The following AUTS2 variants were observed in gnomAD, a reference collection of about 807,000 sequenced individuals.
AUTS2 encodes activator of transcription and developmental regulator AUTS2.
In AUTS2, 17 loss-of-function variants were observed where a neutral mutation model predicts 112.4. That is an observed-to-expected ratio of 0.15 (90% CI 0.10 to 0.23). The LOEUF (loss-of-function observed/expected upper bound fraction) is 0.23, where lower values mean the gene tolerates loss of function less well. AUTS2 is among the 10% of genes least tolerant of loss of function. The pLI is 1.00. For missense variants in AUTS2, 1,510 were observed against 1,701.6 expected, an observed-to-expected ratio of 0.89 and a Z score of 1.98; for synonymous variants, 751 against 702.7, an observed-to-expected ratio of 1.07 and a Z score of -1.09.
At chr7:69,938,725 G>A (rs1000062095) in intron 2 of AUTS2, among the ~76,000 whole-genome samples, 2 of 152,194 alleles carry the variant, frequency 1.3e-5, no homozygotes, top group Non-Finnish European at 2.9e-5. Context: ...GTCTTAGATA[G>A]ACAAGGTGGA....
chr7:70,494,227 A>G (rs964451682), intron 5 of AUTS2, among the ~76,000 whole-genome samples: 3 of 152,214 alleles, frequency 2.0e-5, no homozygotes, highest in African/African-American at 7.2e-5. Context: ...TTTCAAAGAA[A>G]CAGATATCAA....
intron 6 of AUTS2, among the ~76,000 whole-genome samples, chr7:70,716,502 A>G (rs1443418961): frequency 2.0e-5 from 3 of 151,956 alleles, no homozygotes; most frequent in East Asian, 1.9e-4. Flanking sequence ...ATGTGGTGGC[A>G]GGCGCCTGTA....
intron 5 of AUTS2, among the ~76,000 whole-genome samples, chr7:70,585,604 C>G (rs1057508034): frequency 1.2e-4 from 18 of 152,172 alleles, no homozygotes; most frequent in African/African-American, 4.3e-4. Flanking sequence ...ACCATAGGTC[C>G]TGGTTTGCCT....
intron 1 of AUTS2, among the ~76,000 whole-genome samples, chr7:69,768,250 G>T: frequency 6.6e-6 from 1 of 152,224 alleles, no homozygotes. Flanking sequence ...ACGCTGGGTT[G>T]TGTAAATTGA....
At position 69,890,154 on chromosome 7, in the gene AUTS2, G is replaced by T. The variant is rs1021615085; in HGVS notation, c.310-9132G>T. ...TAAGCAATAGCATCTGGTTGCCAGG[G>T]ACTCAACTACTTTGAGCGTGTTAAG... On this transcript the variant is annotated intron_variant, in intron 1 of 18. Transcript: ENST00000342771. 3.9e-5 allele frequency among the ~76,000 whole-genome samples: 6 copies of T among 152,144 alleles called. No individual in the cohort carries two copies. The East Asian group carries it at 7.7e-4, about 20-fold the overall frequency.
chr7:69,991,006 GT>G (rs1464182925), intron 2 of AUTS2, among the ~76,000 whole-genome samples: 1 of 152,018 alleles, frequency 6.6e-6, no homozygotes, highest in Non-Finnish European at 1.5e-5. Context: ...AGAGAGGAGA[GT>G]TTTCTTTTAA....
intron 1 of AUTS2, among the ~76,000 whole-genome samples, chr7:69,685,167 C>T (rs1797005662): frequency 6.6e-6 from 1 of 152,234 alleles, no homozygotes; most frequent in African/African-American, 2.4e-5. Context: ...CATGTGGCTA[C>T]ATTGCTCAAG....
chr7:69,620,195 C>T (rs200822124), intron 1 of AUTS2, among the ~76,000 whole-genome samples: 1 of 152,184 alleles, frequency 6.6e-6, no homozygotes, highest in East Asian at 1.9e-4. Flanking sequence ...GAAGTGGAAT[C>T]CACTAATCCA....
At chr7:70,787,017 G>A in intron 17 of AUTS2, 192 bp from the exon 18 acceptor site, 1 of 677,624 alleles carries the variant, frequency 1.5e-6, no homozygotes, top group South Asian at 1.7e-5. Context: ...AAAAAAAGCT[G>A]TGAGCTACCT....
intron 4 of AUTS2, among the ~76,000 whole-genome samples, chr7:70,356,046 GA>G (rs1292151353): frequency 6.6e-6 from 1 of 152,196 alleles, no homozygotes; most frequent in Non-Finnish European, 1.5e-5. Flanking sequence ...CCTGCGGGGA[GA>G]AGTGAGGAGA....
At chr7:70,125,167 A>G (rs987968009) in intron 3 of AUTS2, among the ~76,000 whole-genome samples, 15 of 150,950 alleles carry the variant, frequency 9.9e-5, no homozygotes, top group Non-Finnish European at 1.8e-4. Context: ...ACATTATAAA[A>G]TTTTCCTTGT....
intron 4 of AUTS2, among the ~76,000 whole-genome samples, chr7:70,331,858 T>G (rs2129619562): frequency 6.6e-6 from 1 of 152,008 alleles, no homozygotes; most frequent in East Asian, 1.9e-4. Context: ...CCCACAGACA[T>G]ACTGAATGGG....
chr7:70,658,093 A>G (rs1806869879), intron 5 of AUTS2, among the ~76,000 whole-genome samples: 1 of 152,230 alleles, frequency 6.6e-6, no homozygotes, highest in African/African-American at 2.4e-5. Context: ...AGATATGAGA[A>G]CAATTGGACT....
chr7:69,692,369 G>A (rs899449180), intron 1 of AUTS2, among the ~76,000 whole-genome samples: 5 of 152,160 alleles, frequency 3.3e-5, no homozygotes, highest in Admixed American at 3.3e-4. Flanking sequence ...TGCTAGGGCT[G>A]TGAAATACAG....
intron 4 of AUTS2, among the ~76,000 whole-genome samples, chr7:70,251,997 T>C (rs1786625146): frequency 6.6e-6 from 1 of 152,206 alleles, no homozygotes; most frequent in African/African-American, 2.4e-5. Context: ...ATGACCTTTT[T>C]CACTAAATAA....
chr7:70,737,133 A>G (rs1366882722), intron 6 of AUTS2, among the ~76,000 whole-genome samples: 1 of 152,230 alleles, frequency 6.6e-6, no homozygotes, highest in Non-Finnish European at 1.5e-5. Flanking sequence ...GATAAGCAGT[A>G]AGAAATGGAA....
At position 69,991,225 on chromosome 7, in the gene AUTS2, A is replaced by G. The variant is rs112331538; in HGVS notation, c.522+91727A>G. Among the ~76,000 whole-genome samples the G allele has an allele frequency of 8.2e-3, 1,247 of 152,272 alleles. 26 individuals are homozygous for G. Among genetic ancestry groups the G allele is most frequent in the South Asian group, 0.058 (281 of 4,822 alleles). ...ATTTCCCTTCACTGCGTAGTAGTTT[A>G]TTTTGTGCTTTTGGTAAAATGATTC... On this transcript the variant is annotated intron_variant, in intron 2 of 18. Coordinates refer to ENST00000342771, the MANE Select transcript of AUTS2 (RefSeq NM_015570.4).
At chr7:69,879,547 A>G (rs1793952199) in intron 1 of AUTS2, among the ~76,000 whole-genome samples, 1 of 152,148 alleles carries the variant, frequency 6.6e-6, no homozygotes, top group African/African-American at 2.4e-5. Context: ...AGAGTACTAA[A>G]TGTAATGATG....
intron 1 of AUTS2, among the ~76,000 whole-genome samples, chr7:69,857,926 G>A (rs912562036): frequency 2.0e-5 from 3 of 152,192 alleles, no homozygotes; most frequent in Non-Finnish European, 4.4e-5. Context: ...ACCGTAGCAA[G>A]CCTTAGGGTG....
Sources: gnomAD v4.1 joint callset for allele counts (sites outside exome capture counted in the v4.1 genomes callset) on GRCh38, gnomAD v4.1.1 for gene constraint, MANE v1.5 for transcripts, NCBI Gene and HGNC (gene_info 2026-07-23, HGNC 2026-07-21) for gene names.